Variants in HPSE2 observed in about 807,000 individuals in gnomAD.
HPSE2 encodes inactive heparanase-2.
Under a neutral mutation model 60.5 loss-of-function variants are expected in HPSE2, and 38 were observed. The observed-to-expected ratio is 0.63, with a 90% CI of 0.48 to 0.82. The LOEUF (loss-of-function observed/expected upper bound fraction) is 0.82, where lower values mean the gene tolerates loss of function less well. Ranked by LOEUF, HPSE2 falls within the 40% of genes least tolerant of loss-of-function variation. The pLI is 0.00. For synonymous variants in HPSE2, 295 were observed against 293.2 expected, an observed-to-expected ratio of 1.01 and a Z score of -0.06; for missense variants, 713 against 740.4, an observed-to-expected ratio of 0.96 and a Z score of 0.43.
chr10:98,630,720 G>A (rs1377073417), intron 7 of HPSE2, among the ~76,000 whole-genome samples: 1 of 150,892 alleles, frequency 6.6e-6, no homozygotes, highest in Non-Finnish European at 1.5e-5. Context: ...TTTCCTTTTT[G>A]CATGCCCTAT....
At chr10:99,288,296 C>T in the HPSE2 span, among the ~76,000 whole-genome samples, 8 of 152,206 alleles carry the variant, frequency 5.3e-5, no homozygotes, top group East Asian at 1.9e-4. Flanking sequence ...TTCTGTTAAG[C>T]TCTACCACGA....
At chr10:99,228,367 G>A (rs1439016239) in intron 2 of HPSE2, among the ~76,000 whole-genome samples, 1 of 152,088 alleles carries the variant, frequency 6.6e-6, no homozygotes, top group African/African-American at 2.4e-5. Flanking sequence ...TGATGAATAT[G>A]ACATTTTAGA....
intron 9 of HPSE2, among the ~76,000 whole-genome samples, chr10:98,550,763 C>G (rs507535): frequency 6.6e-6 from 1 of 151,788 alleles, no homozygotes; most frequent in African/African-American, 2.4e-5. Flanking sequence ...TGTGAGCCAC[C>G]GCGCCTGGCC....
chr10:99,289,353 CTGT>C, the HPSE2 span, among the ~76,000 whole-genome samples: 1 of 36,600 alleles, frequency 2.7e-5, no homozygotes, highest in South Asian at 1.1e-3. Flanking sequence ...GAGACATCAT[CTGT>C]TTTTTTTTTG....
At chr10:98,857,386 G>C (rs1952343699) in intron 3 of HPSE2, among the ~76,000 whole-genome samples, 1 of 152,136 alleles carries the variant, frequency 6.6e-6, no homozygotes, top group Admixed American at 6.6e-5. Context: ...ACTATAATGT[G>C]AAGGCAATCC....
intron 3 of HPSE2, among the ~76,000 whole-genome samples, chr10:99,072,484 G>A (rs1842823744): frequency 6.6e-6 from 1 of 152,096 alleles, no homozygotes; most frequent in Admixed American, 6.5e-5. Context: ...ATTAAAAAGT[G>A]GGCAAGAGAC....
chr10:99,174,173 T>C (rs1284822001), intron 2 of HPSE2, among the ~76,000 whole-genome samples: 1 of 152,212 alleles, frequency 6.6e-6, no homozygotes, highest in Non-Finnish European at 1.5e-5. Flanking sequence ...TATCCAAAAA[T>C]ATCCAATCTT....
rs866955510 is a variant in HPSE2 at position 99,184,801 on chromosome 10, T to C, written c.449-40402A>G. Among the ~76,000 whole-genome samples the C allele has an allele frequency of 5.2e-4, 17 of 32,658 alleles. 3 individuals are homozygous for C. Among genetic ancestry groups the C allele is most frequent in the Middle Eastern group, 0.033 (2 of 60 alleles). 21.4% of individuals were successfully genotyped at this position (32,658 alleles called of 152,430 possible). A position where few individuals can be genotyped will look rare whatever the true frequency, so the allele number is the denominator to read the frequency against. On this transcript the variant is annotated intron_variant, in intron 2 of 11. Transcript: ENST00000370552. Reference sequence around the variant, plus strand: ...CTATCCAAAATTATATATATATATATATATATATATATATATATAGAGAGA... The same window carrying C: ...CTATCCAAAATTATATATATATATACATATATATATATATATATAGAGAGA...
chr10:98,773,445 T>A (rs1158906027), intron 3 of HPSE2, among the ~76,000 whole-genome samples: 12 of 152,196 alleles, frequency 7.9e-5, no homozygotes, highest in African/African-American at 4.8e-5. Context: ...AGCAGTGATC[T>A]CCCTTATAAT....
At chr10:99,300,291 C>T in the HPSE2 span, among the ~76,000 whole-genome samples, 1 of 152,198 alleles carries the variant, frequency 6.6e-6, no homozygotes, top group Non-Finnish European at 1.5e-5. Context: ...AGGTAGAGGA[C>T]TGATGAGGCC....
At chr10:98,777,044 CAAAATAA>C (rs1436889800) in intron 3 of HPSE2, among the ~76,000 whole-genome samples, 7 of 151,936 alleles carry the variant, frequency 4.6e-5, no homozygotes. Flanking sequence ...TAAAAGTTTT[CAAAATAA>C]AAAGTTAAGA....
At chr10:98,572,914 A>G (rs540638182) in intron 9 of HPSE2, among the ~76,000 whole-genome samples, 1 of 152,334 alleles carries the variant, frequency 6.6e-6, no homozygotes, top group African/African-American at 2.4e-5. Flanking sequence ...CTGTGTGCCC[A>G]GCACCCTGCT....
At chr10:98,668,827 C>T (rs1387476855) in intron 6 of HPSE2, among the ~76,000 whole-genome samples, 3 of 152,142 alleles carry the variant, frequency 2.0e-5, no homozygotes, top group East Asian at 3.8e-4. Context: ...AAATACCCTT[C>T]TCCATATGGT....
At chr10:98,624,713 G>A (rs182140138) in intron 7 of HPSE2, among the ~76,000 whole-genome samples, 4 of 152,156 alleles carry the variant, frequency 2.6e-5, no homozygotes, top group East Asian at 1.9e-4. Context: ...TAACCACTTC[G>A]AGCTTCAATT....
At chr10:99,127,839 T>C (rs952696759) in intron 3 of HPSE2, among the ~76,000 whole-genome samples, 1 of 152,190 alleles carries the variant, frequency 6.6e-6, no homozygotes, top group East Asian at 1.9e-4. Context: ...GTATTATCTT[T>C]AGCCTCCTGA....
chr10:99,145,500 G>C (rs534725810), intron 2 of HPSE2, among the ~76,000 whole-genome samples: 1 of 151,630 alleles, frequency 6.6e-6, no homozygotes, highest in South Asian at 2.1e-4. Context: ...CAATTAGCAG[G>C]AAGCTCTTAT....
intron 3 of HPSE2, among the ~76,000 whole-genome samples, chr10:98,917,815 C>A (rs1954164237): frequency 6.6e-6 from 1 of 152,148 alleles, no homozygotes; most frequent in African/African-American, 2.4e-5. Context: ...AGGCATCCAG[C>A]AAGGAAGTTT....
At chr10:99,154,922 T>G (rs546551021) in intron 2 of HPSE2, among the ~76,000 whole-genome samples, 232 of 151,162 alleles carry the variant, frequency 1.5e-3, no homozygotes, top group African/African-American at 5.4e-3. Context: ...ACCAAGCAAA[T>G]GGAAAACAAA....
At chr10:98,713,697 T>C (rs1012084736) in intron 5 of HPSE2, among the ~76,000 whole-genome samples, 1 of 151,862 alleles carries the variant, frequency 6.6e-6, no homozygotes, top group Non-Finnish European at 1.5e-5. Flanking sequence ...TTCTCAAGCT[T>C]ACTTGACCAT....
Sources: gnomAD v4.1 joint callset for allele counts (sites outside exome capture counted in the v4.1 genomes callset) on GRCh38, gnomAD v4.1.1 for gene constraint, MANE v1.5 for transcripts, NCBI Gene and HGNC (gene_info 2026-07-23, HGNC 2026-07-21) for gene names.